Variants in SLIT3 observed in about 807,000 individuals in gnomAD.
The protein encoded by SLIT3 is slit guidance ligand 3.
Under a neutral mutation model 184.0 loss-of-function variants are expected in SLIT3, and 68 were observed. That is an observed-to-expected ratio of 0.37 (90% CI 0.30 to 0.45). SLIT3 has a LOEUF of 0.45. SLIT3 is among the 20% of genes least tolerant of loss of function. The pLI, the probability that SLIT3 is intolerant of heterozygous loss-of-function variation, is 1.00. For synonymous variants in SLIT3, 831 were observed against 828.6 expected, an observed-to-expected ratio of 1.00 and a Z score of -0.05; for missense variants, 1,707 against 2,026.0, an observed-to-expected ratio of 0.84 and a Z score of 3.02.
intron 4 of SLIT3, among the ~76,000 whole-genome samples, chr5:169,091,995 G>A (rs1314275782): frequency 1.3e-5 from 2 of 152,198 alleles, no homozygotes; most frequent in African/African-American, 4.8e-5. Context: ...GCCGAGGCAG[G>A]CGGATCACCT....
chr5:168,861,517 C>T (rs1434307675), intron 5 of SLIT3, among the ~76,000 whole-genome samples: 1 of 151,810 alleles, frequency 6.6e-6, no homozygotes, highest in Non-Finnish European at 1.5e-5. Context: ...CATCTCATAC[C>T]TGCCTTGGTA....
At chr5:168,774,533 T>G (rs1393883523) in intron 12 of SLIT3, among the ~76,000 whole-genome samples, 155 bp from the exon 13 acceptor site, 1 of 152,152 alleles carries the variant, frequency 6.6e-6, no homozygotes, top group Non-Finnish European at 1.5e-5. Flanking sequence ...GAGACCTGCC[T>G]TCCTGTGTCT....
chr5:168,743,798 C>T (rs10434684), intron 20 of SLIT3, among the ~76,000 whole-genome samples: 1 of 152,004 alleles, frequency 6.6e-6, no homozygotes, highest in Admixed American at 6.5e-5. Flanking sequence ...ACACATGAAT[C>T]ATGAGAAAGA....
intron 2 of SLIT3, among the ~76,000 whole-genome samples, chr5:169,245,019 G>A (rs1283716170): frequency 6.6e-6 from 1 of 152,156 alleles, no homozygotes; most frequent in Non-Finnish European, 1.5e-5. Context: ...TTTTAAGAAT[G>A]TTCTCAGTAA....
rs181257476 is a variant in SLIT3 at position 168,845,846 on chromosome 5, G to A, written c.486-1191C>T. Among the ~76,000 whole-genome samples the A allele has an allele frequency of 7.1e-4, 108 of 152,304 alleles. 2 individuals are homozygous for A. The East Asian group carries it at 0.018, about 25-fold the overall frequency. On this transcript the variant is annotated intron_variant, in intron 5 of 35. Coordinates refer to ENST00000519560, the MANE Select transcript of SLIT3 (RefSeq NM_003062.4). Reference sequence around the variant, plus strand: ...TATGGTCTTTGGGGCTGCAGGACAGGTGAAAAGAGCTATGGCTGTACTAAA... The same window carrying A: ...TATGGTCTTTGGGGCTGCAGGACAGATGAAAAGAGCTATGGCTGTACTAAA...
At chr5:168,800,251 C>T (rs1756716328) in intron 9 of SLIT3, among the ~76,000 whole-genome samples, 1 of 152,200 alleles carries the variant, frequency 6.6e-6, no homozygotes, top group African/African-American at 2.4e-5. Context: ...CCTTTCTGGC[C>T]TCTCTCTTTC....
intron 3 of SLIT3, among the ~76,000 whole-genome samples, chr5:169,215,173 T>C (rs1561744233): frequency 6.6e-6 from 1 of 152,248 alleles, no homozygotes; most frequent in Non-Finnish European, 1.5e-5. Context: ...CTTTGTGTCA[T>C]CTGTCCTCTG....
chr5:168,924,100 C>T lies in SLIT3; in HGVS notation c.414-40764G>A, dbSNP rs533468735. The stretch of plus-strand genomic sequence containing the variant: ...GAAGTCTGTACCCGGGTCCACAAGG[C>T]CCTGCATGATCTGACCCGTCTGCTT... On this transcript the variant is annotated intron_variant, in intron 4 of 35. Transcript: ENST00000519560. Among the ~76,000 whole-genome samples the T allele has an allele frequency of 2.0e-5, 3 of 152,338 alleles. No individual in the cohort carries two copies. In the East Asian group the frequency reaches 5.8e-4, roughly 29 times the overall value.
intron 5 of SLIT3, among the ~76,000 whole-genome samples, chr5:168,853,910 T>C (rs772007439): frequency 6.6e-6 from 1 of 152,208 alleles, no homozygotes; most frequent in Non-Finnish European, 1.5e-5. Flanking sequence ...AAAGGCCACA[T>C]CTTCTAGGAG....
intron 4 of SLIT3, among the ~76,000 whole-genome samples, chr5:168,986,006 A>C (rs1016180680): frequency 8.5e-5 from 13 of 152,154 alleles, no homozygotes; most frequent in African/African-American, 2.9e-4. Flanking sequence ...ACTGAAAGGC[A>C]CTTCATCATG....
intron 4 of SLIT3, among the ~76,000 whole-genome samples, chr5:169,071,950 C>T (rs1238209692): frequency 6.6e-6 from 1 of 152,146 alleles, no homozygotes; most frequent in Admixed American, 6.5e-5. Context: ...TAGAAGGTAA[C>T]AAAAGCTCCC....
intron 4 of SLIT3, among the ~76,000 whole-genome samples, chr5:168,903,885 C>T (rs894218552): frequency 6.6e-6 from 1 of 152,142 alleles, no homozygotes; most frequent in African/African-American, 2.4e-5. Flanking sequence ...CCTTGATGTA[C>T]AGAAATCATC....
chr5:169,226,225 C>T (rs923882873), intron 3 of SLIT3, among the ~76,000 whole-genome samples: 2 of 152,112 alleles, frequency 1.3e-5, no homozygotes, highest in Non-Finnish European at 2.9e-5. Context: ...AACCAGAGCT[C>T]TCAGGAAACT....
intron 9 of SLIT3, among the ~76,000 whole-genome samples, chr5:168,797,341 C>T (rs558380496): frequency 2.0e-4 from 30 of 152,332 alleles, no homozygotes; most frequent in African/African-American, 6.5e-4. Flanking sequence ...CCAGGAATCC[C>T]GTCATTCACC....
chr5:169,014,847 A>T (rs113290801), intron 4 of SLIT3, among the ~76,000 whole-genome samples: 6,741 of 152,318 alleles, frequency 0.044, 208 homozygotes, highest in Non-Finnish European at 0.061. Flanking sequence ...GCTACTCAGG[A>T]GGCTGAGACA....
intron 4 of SLIT3, among the ~76,000 whole-genome samples, chr5:168,977,566 C>G (rs1165435475): frequency 6.6e-6 from 1 of 152,152 alleles, no homozygotes; most frequent in Admixed American, 6.5e-5. Flanking sequence ...ATTTGAATTA[C>G]AGACAAAGGG....
At chr5:169,054,595 T>A (rs918586978) in intron 4 of SLIT3, among the ~76,000 whole-genome samples, 4 of 151,974 alleles carry the variant, frequency 2.6e-5, no homozygotes, top group Non-Finnish European at 5.9e-5. Flanking sequence ...CCTAAGTCCC[T>A]CCCCTTCTTA....
At chr5:168,686,831 A>G in intron 30 of SLIT3, 148 bp downstream of exon 30, 3 of 836,310 alleles carry the variant, frequency 3.6e-6, no homozygotes, top group Non-Finnish European at 5.7e-6. Context: ...AAGGACTGCA[A>G]AGGTATCAGG....
intron 4 of SLIT3, among the ~76,000 whole-genome samples, chr5:168,969,270 C>G (rs1260105675): frequency 6.6e-6 from 1 of 152,170 alleles, no homozygotes; most frequent in Non-Finnish European, 1.5e-5. Flanking sequence ...TGAGCCTCAA[C>G]CTGAATGCAG....
Sources: allele counts gnomAD v4.1 joint callset (sites outside exome capture counted in the v4.1 genomes callset), GRCh38; gene constraint gnomAD v4.1.1; transcripts MANE v1.5; gene names NCBI Gene and HGNC (gene_info 2026-07-23, HGNC 2026-07-21).